Variants in EPC2 observed in about 807,000 individuals in gnomAD.
The protein encoded by EPC2 is enhancer of polycomb 2.
EPC2 carries 14 observed loss-of-function variants against 92.1 expected under a neutral mutation model. The observed-to-expected ratio is 0.15, with a 90% confidence interval of 0.10 to 0.24. The LOEUF (loss-of-function observed/expected upper bound fraction) is 0.24, where lower values mean the gene tolerates loss of function less well. Ranked by LOEUF, EPC2 falls within the 10% of genes least tolerant of loss-of-function variation. EPC2 has a pLI of 1.00. For synonymous variants in EPC2, 340 were observed against 334.7 expected (o/e 1.02, Z -0.17); for missense variants, 755 against 971.5 (o/e 0.78, Z 2.96).
intron 3 of EPC2, 107 bp from the exon 4 acceptor site, chr2:148,753,820 T>G (rs1400253168): frequency 1.3e-6 from 1 of 749,224 alleles, no homozygotes; most frequent in Non-Finnish European, 2.2e-6. Context: ...TAATATTATC[T>G]GTTAGTAGTT....
chr2:148,665,341 C>T (rs1385829970), intron 1 of EPC2, among the ~76,000 whole-genome samples: 1 of 152,066 alleles, frequency 6.6e-6, no homozygotes, highest in Non-Finnish European at 1.5e-5. Context: ...AGTCAAATAC[C>T]AGTAATTTAT....
intron 1 of EPC2, among the ~76,000 whole-genome samples, chr2:148,672,340 A>G (rs1433160405): frequency 6.6e-6 from 1 of 152,086 alleles, no homozygotes; most frequent in African/African-American, 2.4e-5. Context: ...GTTTGTCCTT[A>G]TGTCTAAAGT....
intron 1 of EPC2, among the ~76,000 whole-genome samples, chr2:148,660,434 G>A (rs565918449): frequency 5.9e-5 from 9 of 152,144 alleles, no homozygotes; most frequent in African/African-American, 2.2e-4. Flanking sequence ...TTTAAATATA[G>A]ATATGGTCAT....
intron 2 of EPC2, among the ~76,000 whole-genome samples, chr2:148,710,959 T>A (rs562513557): frequency 1.3e-4 from 20 of 152,142 alleles, no homozygotes; most frequent in African/African-American, 4.6e-4. Context: ...CCCACGGATA[T>A]CCTCCACTAT....
At chr2:148,739,765 T>G (rs1574615134) in intron 2 of EPC2, among the ~76,000 whole-genome samples, 1 of 151,856 alleles carries the variant, frequency 6.6e-6, no homozygotes, top group Non-Finnish European at 1.5e-5. Flanking sequence ...CTTCTTCTAA[T>G]AGTAGTCATG....
chr2:148,700,759 T>C (rs1304099490), intron 2 of EPC2, among the ~76,000 whole-genome samples: 1 of 151,800 alleles, frequency 6.6e-6, no homozygotes, highest in Non-Finnish European at 1.5e-5. Flanking sequence ...TTTACTCTTG[T>C]ATTGGCTCTT....
chr2:148,738,282 GT>G (rs778664946), intron 2 of EPC2, among the ~76,000 whole-genome samples: 3 of 152,168 alleles, frequency 2.0e-5, no homozygotes, highest in Non-Finnish European at 4.4e-5. Flanking sequence ...AACCCTGGCT[GT>G]TTGAGAGCCA....
chr2:148,734,978 A>G (rs1024959577), intron 2 of EPC2, among the ~76,000 whole-genome samples: 2 of 151,950 alleles, frequency 1.3e-5, no homozygotes, highest in Non-Finnish European at 2.9e-5. Flanking sequence ...TAAAGTTGCT[A>G]TGAACATTTG....
intron 10 of EPC2, among the ~76,000 whole-genome samples, chr2:148,773,842 C>T (rs1416894239): frequency 6.6e-6 from 1 of 151,900 alleles, no homozygotes; most frequent in Non-Finnish European, 1.5e-5. Context: ...CCTCATCTAC[C>T]TAAATAGAAG....
rs577310986 is a variant in EPC2 at position 148,686,968 on chromosome 2, C to G, written c.154-3246C>G. On this transcript the variant is annotated intron_variant, in intron 1 of 13. Coordinates refer to ENST00000258484, the MANE Select transcript of EPC2 (RefSeq NM_015630.4). ...CAGTCTGTTCTTTGAAGCTTTGAAA[C>G]CAGGCGTTGACGTTTCCTCTCTAGC... 2.0e-4 allele frequency among the ~76,000 whole-genome samples: 30 copies of G among 152,284 alleles called. No individual in the cohort carries two copies. The South Asian group carries it at 6.0e-3, about 31-fold the overall frequency.
intron 1 of EPC2, among the ~76,000 whole-genome samples, chr2:148,677,867 CT>C (rs1681302717): frequency 6.6e-6 from 1 of 152,128 alleles, no homozygotes; most frequent in Non-Finnish European, 1.5e-5. Flanking sequence ...AGGAGTGAAG[CT>C]GCAGACCTTC....
chr2:148,705,367 C>T (rs941386598), intron 2 of EPC2, among the ~76,000 whole-genome samples: 20 of 152,142 alleles, frequency 1.3e-4, no homozygotes, highest in Middle Eastern at 3.2e-3. Context: ...ATAAAATTCA[C>T]GGTTCCAAGA....
intron 2 of EPC2, chr2:148,691,717 G>A (rs1241998482): frequency 8.8e-7 from 1 of 1,130,636 alleles, no homozygotes; most frequent in Non-Finnish European, 1.3e-6. Flanking sequence ...TTTAATTTAG[G>A]CTGCAGATCT....
Position 148,718,708 on chromosome 2 carries a change from A to G in EPC2, c.314-24914A>G, listed in dbSNP as rs140207686. Reference sequence around the variant, plus strand: ...CTTGATCTTGGAGAATCTGATGATTATGTGTTTTGGGGATGATTCTTCTCA... The same window carrying G: ...CTTGATCTTGGAGAATCTGATGATTGTGTGTTTTGGGGATGATTCTTCTCA... On this transcript the variant is annotated intron_variant, in intron 2 of 13. Coordinates refer to ENST00000258484, the MANE Select transcript of EPC2 (RefSeq NM_015630.4). Among the ~76,000 whole-genome samples the G allele has an allele frequency of 2.2e-3, 340 of 152,032 alleles. 3 individuals carry two copies. Among genetic ancestry groups the G allele is most frequent in the Middle Eastern group, 6.8e-3 (2 of 294 alleles).
intron 13 of EPC2, among the ~76,000 whole-genome samples, chr2:148,785,775 G>A (rs1414269037): frequency 1.3e-5 from 2 of 152,004 alleles, no homozygotes; most frequent in Non-Finnish European, 2.9e-5. Flanking sequence ...GGATTACTAC[G>A]GACATCCATA....
chr2:148,699,573 A>G (rs946047884), intron 2 of EPC2, among the ~76,000 whole-genome samples: 4 of 152,152 alleles, frequency 2.6e-5, no homozygotes, highest in East Asian at 1.9e-4. Flanking sequence ...TTGTTGCTTG[A>G]TAGCTCATTT....
intron 2 of EPC2, among the ~76,000 whole-genome samples, chr2:148,725,762 C>T (rs1682482167): frequency 6.6e-6 from 1 of 152,014 alleles, no homozygotes; most frequent in Non-Finnish European, 1.5e-5. Flanking sequence ...TACTTGTTTC[C>T]TCATGACATG....
rs201633491 is a variant in EPC2 at position 148,754,141 on chromosome 2, G to C, written c.666+8G>C. 1.1e-4 allele frequency: 174 copies of C among 1,578,476 alleles called. 1 individual carries two copies. Among genetic ancestry groups the C allele is most frequent in the Non-Finnish European group, 1.1e-4 (126 of 1,161,758 alleles). The stretch of plus-strand genomic sequence containing the variant: ...AAAATGCAAACTCGAAAGGTAATGT[G>C]CAAATTAGGTTTCATTGAAGGTAGC... On this transcript the variant is annotated splice_region_variant and intron_variant, in intron 4 of 13. Transcript: ENST00000258484.
chr2:148,731,711 C>T (rs1682635356), intron 2 of EPC2, among the ~76,000 whole-genome samples: 1 of 152,128 alleles, frequency 6.6e-6, no homozygotes, highest in Non-Finnish European at 1.5e-5. Flanking sequence ...CAGAAATTTA[C>T]AGATGCATGA....
Sources: allele counts gnomAD v4.1 joint callset (sites outside exome capture counted in the v4.1 genomes callset), GRCh38; gene constraint gnomAD v4.1.1; transcripts MANE v1.5; gene names NCBI Gene and HGNC (gene_info 2026-07-23, HGNC 2026-07-21).